Variants in CUX1 observed in about 807,000 individuals in gnomAD.
CUX1 encodes the protein cut like homeobox 1.
CUX1 carries 31 observed loss-of-function variants against 158.8 expected under a neutral mutation model. The observed-to-expected ratio is 0.20, with a 90% CI of 0.15 to 0.26. CUX1 has a LOEUF of 0.26. CUX1 is among the 10% of genes least tolerant of loss of function. The pLI is 1.00. For synonymous variants in CUX1, 879 were observed against 862.1 expected (o/e 1.02, Z -0.34); for missense variants, 1,589 against 2,014.6 (o/e 0.79, Z 4.04).
intron 1 of CUX1, among the ~76,000 whole-genome samples, chr7:101,865,280 T>C (rs1161853195): frequency 2.0e-5 from 3 of 152,240 alleles, no homozygotes; most frequent in Admixed American, 6.5e-5. Context: ...GCTGTTATTA[T>C]AGACTGGTTG....
At chr7:102,125,537 A>G (rs943849905) in intron 8 of CUX1, 4 of 152,180 alleles carry the variant, frequency 2.6e-5, no homozygotes, top group African/African-American at 9.7e-5. Flanking sequence ...GAAGTGGCAG[A>G]GGAGAAAGTG....
intron 2 of CUX1, among the ~76,000 whole-genome samples, chr7:101,917,734 C>A (rs1279153616): frequency 6.6e-6 from 1 of 152,180 alleles, no homozygotes; most frequent in Admixed American, 6.5e-5. Context: ...CCACATCCAT[C>A]GTGCTAGCTC....
At chr7:102,266,929 G>A (rs1302837615) in intron 14 of CUX1, among the ~76,000 whole-genome samples, 1 of 152,190 alleles carries the variant, frequency 6.6e-6, no homozygotes, top group African/African-American at 2.4e-5. Flanking sequence ...CAAGGGAAGG[G>A]GCGTGTGTGC....
At chr7:102,187,758 C>T (rs1368518310) in intron 11 of CUX1, among the ~76,000 whole-genome samples, 3 of 151,736 alleles carry the variant, frequency 2.0e-5, no homozygotes, top group Non-Finnish European at 2.9e-5. Flanking sequence ...ATCCACCCAC[C>T]TTGGCCTCCC....
rs77363222 is a variant in CUX1, at chr7:102,020,454, T to G, written c.142-7644T>G. 1.8e-3 allele frequency among the ~76,000 whole-genome samples: 268 copies of G among 152,358 alleles called. 5 individuals carry two copies. The East Asian group carries it at 0.046, about 26-fold the overall frequency. ...GTTTTTAAAGACTCCATACCTGGTC[T>G]GAGCTCTTGTATACATTGATAAGGG... is the stretch of plus-strand genomic sequence containing the variant. On this transcript the variant is annotated intron_variant, in intron 2 of 23. Coordinates refer to ENST00000292535, the MANE Select transcript of CUX1 (RefSeq NM_181552.4).
At chr7:102,122,123 AT>A (rs1277001055) in intron 8 of CUX1, among the ~76,000 whole-genome samples, 1 of 152,184 alleles carries the variant, frequency 6.6e-6, no homozygotes, top group Non-Finnish European at 1.5e-5. Context: ...CCCTGATTGA[AT>A]TTGAAAGGGA....
In CUX1 at chr7:102,254,642, C is replaced by G. The variant is rs1554541412; in HGVS notation, c.*5600C>G. The stretch of plus-strand genomic sequence containing the variant: ...CAGCATCCTGTGCTTGGGCATTGAC[C>G]AGCCAAAGCTCACATTTAGAAAGCC... On this transcript the variant is annotated 3_prime_UTR_variant, in exon 24 of 24. Coordinates refer to ENST00000292535, the MANE Select transcript of CUX1 (RefSeq NM_181552.4). The G allele has an allele frequency of 1.0e-6, 1 of 985,290 alleles. No individual in the cohort carries two copies. Among genetic ancestry groups the G allele is most frequent in the Non-Finnish European group, 1.2e-6 (1 of 829,940 alleles). The allele number at this position is 985,290 out of a possible 1,614,324, so 61.0% of individuals were successfully genotyped here. A position where few individuals can be genotyped will look rare whatever the true frequency, so the allele number is the denominator to read the frequency against.
At chr7:102,100,578 C>G (rs1554485996) in intron 5 of CUX1, among the ~76,000 whole-genome samples, 1 of 152,110 alleles carries the variant, frequency 6.6e-6, no homozygotes, top group Non-Finnish European at 1.5e-5. Flanking sequence ...ATTTCCTCTC[C>G]CCCACTTCCA....
intron 2 of CUX1, among the ~76,000 whole-genome samples, chr7:101,944,592 C>T (rs1004473925): frequency 2.0e-5 from 3 of 152,222 alleles, no homozygotes; most frequent in African/African-American, 7.2e-5. Context: ...CACTTTGGTG[C>T]ATTTCTCAAA....
At chr7:101,927,157 C>T (rs1314571934) in intron 2 of CUX1, among the ~76,000 whole-genome samples, 3 of 151,938 alleles carry the variant, frequency 2.0e-5, no homozygotes, top group African/African-American at 7.3e-5. Flanking sequence ...AACACACACA[C>T]ACACACACAC....
intron 8 of CUX1, among the ~76,000 whole-genome samples, chr7:102,128,172 T>C (rs1249022008): frequency 6.6e-6 from 1 of 152,190 alleles, no homozygotes; most frequent in Non-Finnish European, 1.5e-5. Flanking sequence ...CCCAAGGCCA[T>C]CATCAGACAA....
chr7:101,827,971 T>A (rs1793550838), intron 1 of CUX1, among the ~76,000 whole-genome samples: 2 of 123,824 alleles, frequency 1.6e-5, no homozygotes, highest in Admixed American at 1.6e-4. Flanking sequence ...TTGGTATAAC[T>A]TGTTTTTTTT....
At chr7:102,006,114 A>C (rs1817334781) in intron 2 of CUX1, among the ~76,000 whole-genome samples, 1 of 152,146 alleles carries the variant, frequency 6.6e-6, no homozygotes, top group African/African-American at 2.4e-5. Context: ...AGGCATTCAG[A>C]AAGAGAGCTG....
chr7:102,272,886 C>T (rs1154671), intron 14 of CUX1, among the ~76,000 whole-genome samples: 38,409 of 152,086 alleles, frequency 0.25, 5,240 homozygotes, highest in East Asian at 0.47. Context: ...CCCTACGCGC[C>T]CCACTGCACC....
intron 2 of CUX1, among the ~76,000 whole-genome samples, chr7:101,992,281 G>A (rs1032137912): frequency 3.9e-5 from 6 of 152,124 alleles, no homozygotes; most frequent in South Asian, 2.1e-4. Context: ...CAACCAGTGC[G>A]ACCCTGTTTT....
chr7:101,894,255 G>A (rs909175295), intron 1 of CUX1, among the ~76,000 whole-genome samples: 1 of 152,250 alleles, frequency 6.6e-6, no homozygotes, highest in African/African-American at 2.4e-5. Flanking sequence ...TGCAAGGTCT[G>A]ACCAGAATTT....
At chr7:101,859,580 G>A (rs1203214592) in intron 1 of CUX1, among the ~76,000 whole-genome samples, 6 of 152,076 alleles carry the variant, frequency 3.9e-5, no homozygotes, top group Admixed American at 2.6e-4. Context: ...AGGTATTGGC[G>A]GGTTTGATCC....
chr7:102,022,172 T>C (rs1819456373), intron 2 of CUX1, among the ~76,000 whole-genome samples: 1 of 152,220 alleles, frequency 6.6e-6, no homozygotes, highest in South Asian at 2.1e-4. Context: ...ACAGGTGCAA[T>C]TGAACACTGC....
Position 102,253,992 on chromosome 7 carries a change from A to G in CUX1, c.*4950A>G, listed in dbSNP as rs551144733. The G allele has an allele frequency of 5.8e-4, 574 of 985,460 alleles. 3 individuals are homozygous for G. In the African/African-American group the frequency reaches 9.6e-3, roughly 16 times the overall value. 61.0% of individuals were successfully genotyped at this position (985,460 alleles called of 1,614,324 possible). ...CAGAACCACACCCCACAGAACTGTGAGGCACGTGGGCTGGAGAGAGCAGAA... is the reference window on the plus strand; with the variant it reads ...CAGAACCACACCCCACAGAACTGTGGGGCACGTGGGCTGGAGAGAGCAGAA... On this transcript the variant is annotated 3_prime_UTR_variant, in exon 24 of 24. Transcript: ENST00000292535.
Sources: gnomAD v4.1 joint callset for allele counts (sites outside exome capture counted in the v4.1 genomes callset) on GRCh38, gnomAD v4.1.1 for gene constraint, MANE v1.5 for transcripts, NCBI Gene and HGNC (gene_info 2026-07-23, HGNC 2026-07-21) for gene names.